The following SLC9A9 variants were observed in gnomAD, a reference collection of about 807,000 sequenced individuals.
The protein encoded by SLC9A9 is sodium/hydrogen exchanger 9.
Under a neutral mutation model 77.8 loss-of-function variants are expected in SLC9A9, and 62 were observed. The ratio of observed to expected loss-of-function variants is 0.80; its 90% CI spans 0.65 to 0.98. The LOEUF (loss-of-function observed/expected upper bound fraction) is 0.98. Ranked by LOEUF, SLC9A9 falls within the 50% of genes least tolerant of loss-of-function variation. The probability of loss-of-function intolerance (pLI) is 0.00; values close to 1 mark genes in which losing one functional copy is unlikely to be tolerated. For synonymous variants in SLC9A9, 320 were observed against 283.5 expected (o/e 1.13, Z -1.29); for missense variants, 775 against 774.9 (o/e 1.00, Z 0.00).
chr3:143,335,942 C>A (rs2031908090), intron 14 of SLC9A9, among the ~76,000 whole-genome samples: 1 of 152,108 alleles, frequency 6.6e-6, no homozygotes, highest in Admixed American at 6.5e-5. Flanking sequence ...TTAAAAACTT[C>A]TGCACATCAA....
intron 9 of SLC9A9, among the ~76,000 whole-genome samples, chr3:143,535,800 A>G (rs767155315): frequency 6.6e-6 from 1 of 152,202 alleles, no homozygotes; most frequent in Non-Finnish European, 1.5e-5. Flanking sequence ...TCCATTATAT[A>G]TAAAATGTTC....
intron 4 of SLC9A9, among the ~76,000 whole-genome samples, chr3:143,713,438 G>C (rs547523024): frequency 6.6e-6 from 1 of 152,192 alleles, no homozygotes; most frequent in African/African-American, 2.4e-5. Context: ...TTTAGAACTG[G>C]AGGGTGGTCA....
intron 12 of SLC9A9, among the ~76,000 whole-genome samples, chr3:143,418,115 C>A (rs2034230862): frequency 6.6e-6 from 1 of 150,564 alleles, no homozygotes; most frequent in Admixed American, 6.6e-5. Context: ...GATTATCACT[C>A]ACTAGTCACA....
rs556783639 is a variant in SLC9A9 at position 143,764,337 on chromosome 3, C to T, written c.533+30664G>A. Among the ~76,000 whole-genome samples, 3 of 152,314 alleles carry T rather than the reference C, an allele frequency of 2.0e-5. 1 individual carries two copies. The highest frequency in any genetic ancestry group is 7.2e-5 in the African/African-American group (3 of 41,582). Reference sequence around the variant, plus strand: ...TCTGTGCAGCAGACTGGAGAAATTTCAATGATAGCGTATCACTTTCCAGAT... The same window carrying T: ...TCTGTGCAGCAGACTGGAGAAATTTTAATGATAGCGTATCACTTTCCAGAT... On this transcript the variant is annotated intron_variant, in intron 4 of 15. Coordinates refer to ENST00000316549, the MANE Select transcript of SLC9A9 (RefSeq NM_173653.4).
rs2009802652 is a variant in SLC9A9, at chr3:143,845,015, A to G, written c.175+3133T>C. Among the ~76,000 whole-genome samples, 4 of 152,212 alleles carry G rather than the reference A, an allele frequency of 2.6e-5. No individual in the cohort carries two copies. The South Asian group carries it at 8.3e-4, about 32-fold the overall frequency. On this transcript the variant is annotated intron_variant, in intron 1 of 15. Transcript: ENST00000316549. ...AAATTCACTCTTTTAGACCTCCTGG[A>G]AAAGAGAATCTGGCTAATCCTGAAA...
chr3:143,769,624 T>C (rs2007446531), intron 4 of SLC9A9, among the ~76,000 whole-genome samples: 1 of 152,174 alleles, frequency 6.6e-6, no homozygotes, highest in Non-Finnish European at 1.5e-5. Context: ...TAACTTGTAA[T>C]TCCATGTGAG....
At chr3:143,370,671 C>G (rs1485360113) in intron 13 of SLC9A9, among the ~76,000 whole-genome samples, 1 of 151,712 alleles carries the variant, frequency 6.6e-6, no homozygotes, top group Non-Finnish European at 1.5e-5. Flanking sequence ...AGAACCACTA[C>G]TGCCATAGTA....
chr3:143,722,026 T>A (rs1272879231), intron 4 of SLC9A9, among the ~76,000 whole-genome samples: 1 of 152,114 alleles, frequency 6.6e-6, no homozygotes, highest in Non-Finnish European at 1.5e-5. Context: ...ACACAACTTT[T>A]AAAAAGTGAA....
At chr3:143,280,068 G>C (rs1033228718) in intron 14 of SLC9A9, among the ~76,000 whole-genome samples, 1 of 152,200 alleles carries the variant, frequency 6.6e-6, no homozygotes, top group South Asian at 2.1e-4. Flanking sequence ...CAATTCTCCC[G>C]CCTTAGCCTC....
At chr3:143,432,802 A>AT (rs1484214974) in intron 12 of SLC9A9, among the ~76,000 whole-genome samples, 1 of 152,114 alleles carries the variant, frequency 6.6e-6, no homozygotes, top group African/African-American at 2.4e-5. Flanking sequence ...TAATTTTTGT[A>AT]TTTTTAGTAG....
rs546360446 is a variant in SLC9A9, at chr3:143,476,889, A to G, written c.1316-9699T>C. 2.0e-5 allele frequency among the ~76,000 whole-genome samples: 3 copies of G among 152,314 alleles called. No individual in the cohort carries two copies. In the East Asian group the frequency reaches 5.8e-4, roughly 29 times the overall value. On this transcript the variant is annotated intron_variant, in intron 11 of 15. Coordinates refer to ENST00000316549, the MANE Select transcript of SLC9A9 (RefSeq NM_173653.4). Reference sequence around the variant, plus strand: ...GCTGTTAAACATTCTGCAATGTTCAAGACAGTCTCCACAACAAAGAATTAT... The same window carrying G: ...GCTGTTAAACATTCTGCAATGTTCAGGACAGTCTCCACAACAAAGAATTAT...
intron 4 of SLC9A9, among the ~76,000 whole-genome samples, chr3:143,740,731 G>T (rs1176869175): frequency 1.3e-5 from 2 of 152,100 alleles, no homozygotes; most frequent in Admixed American, 6.5e-5. Flanking sequence ...TCATTAAAGG[G>T]GATAGGAGAA....
At chr3:143,498,225 C>T (rs2035869874) in intron 9 of SLC9A9, among the ~76,000 whole-genome samples, 1 of 152,194 alleles carries the variant, frequency 6.6e-6, no homozygotes, top group Admixed American at 6.5e-5. Context: ...ATCTATTCTG[C>T]TGTCAATACT....
chr3:143,523,990 C>T (rs1269893614), intron 9 of SLC9A9, among the ~76,000 whole-genome samples: 1 of 152,016 alleles, frequency 6.6e-6, no homozygotes, highest in Non-Finnish European at 1.5e-5. Flanking sequence ...GCTGAAAGAA[C>T]AGGATTCTGT....
At chr3:143,346,507 C>T (rs1204603527) in intron 14 of SLC9A9, among the ~76,000 whole-genome samples, 1 of 152,214 alleles carries the variant, frequency 6.6e-6, no homozygotes, top group East Asian at 1.9e-4. Context: ...TTTGGTTAGG[C>T]TGGGTGCAGT....
chr3:143,720,504 G>GCAGGTGCAGAGTTTTATTTT (rs1934468768), intron 4 of SLC9A9, among the ~76,000 whole-genome samples: 1 of 152,218 alleles, frequency 6.6e-6, no homozygotes. Flanking sequence ...GAACAAATGA[G>GCAGGTGCAGAGTTTTATTTT]CAGGTGCAGA....
At chr3:143,468,982 A>G (rs1050583907) in intron 11 of SLC9A9, among the ~76,000 whole-genome samples, 1 of 152,230 alleles carries the variant, frequency 6.6e-6, no homozygotes, top group African/African-American at 2.4e-5. Context: ...CAACATGGTG[A>G]AACCCCATCT....
intron 13 of SLC9A9, among the ~76,000 whole-genome samples, chr3:143,370,871 G>C (rs1455866828): frequency 6.6e-6 from 1 of 152,068 alleles, no homozygotes; most frequent in Non-Finnish European, 1.5e-5. Flanking sequence ...TGGCAGCAAA[G>C]GACTGTGATC....
chr3:143,745,616 C>T (rs1375164353), intron 4 of SLC9A9, among the ~76,000 whole-genome samples: 2 of 152,066 alleles, frequency 1.3e-5, no homozygotes, highest in African/African-American at 4.8e-5. Flanking sequence ...AACATTAGGG[C>T]CGCTGTGTAT....
Sources: allele counts gnomAD v4.1 joint callset (sites outside exome capture counted in the v4.1 genomes callset), GRCh38; gene constraint gnomAD v4.1.1; transcripts MANE v1.5; gene names NCBI Gene and HGNC (gene_info 2026-07-23, HGNC 2026-07-21).